The following RNPS1 variants were observed in gnomAD, a reference collection of about 807,000 sequenced individuals.
RNPS1 encodes the protein RNA-binding protein with serine-rich domain 1.
For missense variants in RNPS1, 300 were observed against 427.6 expected, an observed-to-expected ratio of 0.70 and a Z score of 2.63; for synonymous variants, 147 against 150.0, an observed-to-expected ratio of 0.98 and a Z score of 0.15.
At chr16:2,266,586 A>G (rs1480677517) in intron 1 of RNPS1, 1 of 985,088 alleles carries the variant, frequency 1.0e-6, no homozygotes, top group African/African-American at 1.7e-5. Flanking sequence ...TAGGAGCAAG[A>G]GTTGTATCTC....
In RNPS1 at chr16:2,268,060, C is replaced by CCCGCCG. The variant is rs765692223; in HGVS notation, c.-129_-124dup. Reference sequence around the variant, plus strand: ...CGGATTCCGCCCCAACTTACATCTTCCCGCCGCCGCCACCTCCTCCTGCTT... The same window carrying CCCGCCG: ...CGGATTCCGCCCCAACTTACATCTTCCCGCCGCCGCCGCCGCCACCTCCTCCTGCTT... On this transcript the variant is annotated 5_prime_UTR_variant, in exon 1 of 8. Coordinates refer to ENST00000320225, the MANE Select transcript of RNPS1 (RefSeq NM_080594.4). 3.3e-6 allele frequency: 5 copies of CCCGCCG among 1,534,866 alleles called. No homozygotes were observed. Among genetic ancestry groups the CCCGCCG allele is most frequent in the East Asian group, 4.9e-5 (2 of 40,904 alleles).
chr16:2,255,797 AAGAC>A, intron 6 of RNPS1, 71 bp from the exon 7 acceptor site: 1 of 1,494,352 alleles, frequency 6.7e-7, no homozygotes, highest in Non-Finnish European at 9.2e-7. Flanking sequence ...GCCACAGTGA[AAGAC>A]AGGCCTGGGG....
At chr16:2,257,791 T>C (rs953371460) in intron 6 of RNPS1, 1 of 152,264 alleles carries the variant, frequency 6.6e-6, no homozygotes, top group African/African-American at 2.4e-5. Flanking sequence ...ACTTTCCTAA[T>C]GCCTGAAGGG....
At chr16:2,262,891 G>T in intron 4 of RNPS1, 49 bp from the exon 5 acceptor site, 1 of 1,512,654 alleles carries the variant, frequency 6.6e-7, no homozygotes, top group Non-Finnish European at 9.2e-7. Context: ...AAGTCAAAAT[G>T]TACTAGACGC....
In RNPS1 at chr16:2,262,502, C is replaced by A. The variant is rs541516565; in HGVS notation, c.523-71G>T. On this transcript the variant is annotated intron_variant, in intron 5 of 7. Coordinates refer to ENST00000320225, the MANE Select transcript of RNPS1 (RefSeq NM_080594.4). ...CACGTCAGACGCAGAGAGCTCAGCA[C>A]ATCATGACTAAAACCTCGGCAGGGT... The A allele has an allele frequency of 1.7e-4, 261 of 1,542,098 alleles. 4 individuals carry two copies. In the South Asian group the frequency reaches 2.9e-3, roughly 17 times the overall value.
chr16:2,261,869 G>A (rs779539693), intron 6 of RNPS1, among the ~76,000 whole-genome samples: 2 of 152,132 alleles, frequency 1.3e-5, no homozygotes, highest in African/African-American at 4.8e-5. Context: ...AGGCTCCAGA[G>A]GAAGGTCTTC....
intron 1 of RNPS1, chr16:2,267,625 C>G (rs2093630324): frequency 1.9e-6 from 2 of 1,080,364 alleles, no homozygotes; most frequent in Non-Finnish European, 1.1e-6. Flanking sequence ...ACCGGCCCGA[C>G]ACGCCGACCT....
At chr16:2,259,124 A>C (rs1218633730) in intron 6 of RNPS1, among the ~76,000 whole-genome samples, 1 of 32,618 alleles carries the variant, frequency 3.1e-5, no homozygotes, top group African/African-American at 7.8e-5. Context: ...AAAAAGTCTC[A>C]AAAAAAAAAA....
At chr16:2,259,931 A>G (rs985322831) in intron 6 of RNPS1, among the ~76,000 whole-genome samples, 5 of 152,206 alleles carry the variant, frequency 3.3e-5, no homozygotes, top group Non-Finnish European at 5.9e-5. Context: ...CAAGCAGGGC[A>G]GAAATTAACT....
intron 6 of RNPS1, among the ~76,000 whole-genome samples, chr16:2,259,034 A>T (rs1306227534): frequency 6.6e-6 from 1 of 151,722 alleles, no homozygotes; most frequent in Non-Finnish European, 1.5e-5. Flanking sequence ...AAGGCAGGAG[A>T]ACTGCTTGAA....
At chr16:2,259,171 A>T (rs1477418310) in intron 6 of RNPS1, among the ~76,000 whole-genome samples, 2 of 151,660 alleles carry the variant, frequency 1.3e-5, no homozygotes, top group Non-Finnish European at 2.9e-5. Context: ...CAGCACACTG[A>T]TGTAAAAGTG....
chr16:2,254,849 C>T (rs958391837), intron 7 of RNPS1, among the ~76,000 whole-genome samples: 2 of 149,790 alleles, frequency 1.3e-5, no homozygotes, highest in Admixed American at 1.3e-4. Flanking sequence ...TCACGCCATT[C>T]TCCTGCCTCA....
At chr16:2,267,544 A>G (rs982072266) in intron 1 of RNPS1, 93 of 1,042,504 alleles carry the variant, frequency 8.9e-5, no homozygotes, top group Non-Finnish European at 1.0e-4. Flanking sequence ...ACACGTTTGA[A>G]TTAATGACTC....
chr16:2,268,027 G>A, intron 1 of RNPS1, 28 bp downstream of exon 1: 3 of 1,533,930 alleles, frequency 2.0e-6, no homozygotes, highest in Non-Finnish European at 2.6e-6. Flanking sequence ...CCGAAACACG[G>A]ATGCAGTCGG....
At chr16:2,266,538 T>G (rs1372881700) in intron 1 of RNPS1, 5 of 971,838 alleles carry the variant, frequency 5.1e-6, no homozygotes, top group Non-Finnish European at 6.1e-6. Flanking sequence ...TCCAACCTTA[T>G]AGTTACCCAG....
chr16:2,263,108 C>A lies in RNPS1; in HGVS notation c.407G>T (p.Arg136Leu). The A allele has an allele frequency of 6.2e-7, 1 of 1,612,466 alleles. No individual in the cohort carries two copies. The highest frequency in any genetic ancestry group is 8.5e-7 in the Non-Finnish European group (1 of 1,179,778). ...GCAGGGCACTCACTTGGAGCGGGAGCGCCTCCTGTTGTCGTGTCTGCGCCG... is the reference window on the plus strand; with the variant it reads ...GCAGGGCACTCACTTGGAGCGGGAGAGCCTCCTGTTGTCGTGTCTGCGCCG... ...PSRRRHDNRR[R>L]SRSKSKPPKR... Residue 136 changes from arginine (R) to leucine (L), a missense_variant, in exon 4 of 8, where the codon CGC becomes CTC. Physicochemically the swap from Arg to Leu is moderately radical, Grantham distance 102. Transcript: ENST00000320225.
At chr16:2,256,579 A>C (rs1052275934) in intron 6 of RNPS1, 2 of 152,380 alleles carry the variant, frequency 1.3e-5, no homozygotes, top group Non-Finnish European at 2.9e-5. Flanking sequence ...AGAAAAGTAA[A>C]GAATGTGCTG....
At chr16:2,263,041 G>A in intron 4 of RNPS1, 55 bp downstream of exon 4, 2 of 1,561,766 alleles carry the variant, frequency 1.3e-6, no homozygotes, top group South Asian at 1.1e-5. Context: ...AACCTCGATG[G>A]TAAATCTGTA....
rs760805284 is a variant in RNPS1, at chr16:2,264,562, A to AG, written c.71+10dup. 1.7e-5 allele frequency: 27 copies of AG among 1,612,522 alleles called. No individual in the cohort carries two copies. The African/African-American group carries it at 3.2e-4, about 19-fold the overall frequency. On this transcript the variant is annotated intron_variant, in intron 2 of 7. Coordinates refer to ENST00000320225, the MANE Select transcript of RNPS1 (RefSeq NM_080594.4). ...CCAAGTAGCACTAGAAAAATCTTAC[A>AG]GAAGGATTACCTAGTGCTGGACTTT...
Sources: gnomAD v4.1 joint callset for allele counts (sites outside exome capture counted in the v4.1 genomes callset) on GRCh38, gnomAD v4.1.1 for gene constraint, MANE v1.5 for transcripts, NCBI Gene and HGNC (gene_info 2026-07-23, HGNC 2026-07-21) for gene names.